Variants in PLA2R1 observed in about 807,000 individuals in gnomAD.
PLA2R1 encodes the protein secretory phospholipase A2 receptor.
A neutral mutation model predicts 195.9 loss-of-function variants in PLA2R1; 158 were observed. That is an observed-to-expected ratio of 0.81 (90% confidence interval 0.71 to 0.92). The LOEUF (loss-of-function observed/expected upper bound fraction) is 0.92. PLA2R1 is among the 40% of genes least tolerant of loss of function. PLA2R1 has a pLI of 0.00. For missense variants in PLA2R1, 1,626 were observed against 1,764.6 expected, an observed-to-expected ratio of 0.92 and a Z score of 1.41; for synonymous variants, 586 against 598.2, an observed-to-expected ratio of 0.98 and a Z score of 0.30.
chr2:160,061,658 C>T (rs1371902116), intron 1 of PLA2R1, among the ~76,000 whole-genome samples: 2 of 152,132 alleles, frequency 1.3e-5, no homozygotes, highest in Non-Finnish European at 2.9e-5. Context: ...ACCTGTGGTC[C>T]CAGCTACTCG....
intron 11 of PLA2R1, among the ~76,000 whole-genome samples, chr2:159,993,036 T>C (rs907731244): frequency 2.0e-5 from 3 of 152,152 alleles, no homozygotes; most frequent in Non-Finnish European, 4.4e-5. Context: ...CTTGGAAAAG[T>C]GTTTTCGAAT....
Position 159,940,972 on chromosome 2 carries a change from T to C in PLA2R1, c.*806A>G, listed in dbSNP as rs957234964. 5.9e-5 allele frequency: 9 copies of C among 152,308 alleles called. No homozygotes were observed. The East Asian group carries it at 1.7e-3, about 29-fold the overall frequency. The allele number at this position is 152,308 out of a possible 1,614,324, so 9.4% of individuals were successfully genotyped here. A position where few individuals can be genotyped will look rare whatever the true frequency, so the allele number is the denominator to read the frequency against. The stretch of plus-strand genomic sequence containing the variant: ...TATATTTAGTTTTTCAGAAAGTCCA[T>C]GAGTTTTAACAGTACAACTGTTAAA... On this transcript the variant is annotated 3_prime_UTR_variant, in exon 30 of 30. Coordinates refer to ENST00000283243, the MANE Select transcript of PLA2R1 (RefSeq NM_007366.5).
In PLA2R1 at chr2:159,980,433, T is replaced by A. The variant is rs558280299; in HGVS notation, c.2184-519A>T. 1.8e-3 allele frequency among the ~76,000 whole-genome samples: 272 copies of A among 152,366 alleles called. 1 individual carries two copies. The highest frequency in any genetic ancestry group is 3.5e-3 in the Non-Finnish European group (240 of 68,030). Reference sequence around the variant, plus strand: ...GTTTGCTACTTCACTATACTATTTATTCTACTTTACTATGCTTTGATTTGT... The same window carrying A: ...GTTTGCTACTTCACTATACTATTTAATCTACTTTACTATGCTTTGATTTGT... On this transcript the variant is annotated intron_variant, in intron 13 of 29. Transcript: ENST00000283243.
intron 2 of PLA2R1, among the ~76,000 whole-genome samples, chr2:160,044,397 G>A (rs562566709): frequency 1.3e-5 from 2 of 152,198 alleles, no homozygotes; most frequent in South Asian, 4.2e-4. Flanking sequence ...TGGCGGCAGG[G>A]GAGGAGAGAT....
At chr2:159,958,216 C>A (rs1363032004) in intron 20 of PLA2R1, among the ~76,000 whole-genome samples, 2 of 151,864 alleles carry the variant, frequency 1.3e-5, no homozygotes, top group Non-Finnish European at 2.9e-5. Flanking sequence ...TCAGTTCATG[C>A]GAGATCTGAT....
At chr2:160,016,738 A>G (rs1319731802) in intron 8 of PLA2R1, 26 bp from the exon 9 acceptor site, 1 of 1,075,276 alleles carries the variant, frequency 9.3e-7, no homozygotes, top group Non-Finnish European at 1.5e-6. Flanking sequence ...TTACAAGAGA[A>G]TGAATACACT....
intron 14 of PLA2R1, among the ~76,000 whole-genome samples, chr2:159,979,298 G>A (rs560147483): frequency 6.6e-5 from 10 of 152,214 alleles, no homozygotes; most frequent in Non-Finnish European, 1.3e-4. Flanking sequence ...CTTCATAGAG[G>A]TTTGCAAGTA....
Position 159,976,681 on chromosome 2 carries a change from TTACCGTACTGG to T in PLA2R1, c.2430_2437+3del. On this transcript the variant is annotated splice_donor_variant and splice_donor_region_variant and coding_sequence_variant and intron_variant, in exon 16 of 30. Coordinates refer to ENST00000283243, the MANE Select transcript of PLA2R1 (RefSeq NM_007366.5). LOFTEE classifies it high-confidence loss of function. ...AATTCAAGAGCTGCCAGAGTCATTC[TTACCGTACTGG>T]TACCAGAACGGAATCTTGGGTTTCA... 6.3e-7 allele frequency: 1 copy of T among 1,589,226 alleles called. No homozygotes were observed. The highest frequency in any genetic ancestry group is 2.2e-5 in the East Asian group (1 of 44,698).
At chr2:159,957,860 C>T (rs945817068) in intron 20 of PLA2R1, among the ~76,000 whole-genome samples, 5 of 152,116 alleles carry the variant, frequency 3.3e-5, no homozygotes, top group African/African-American at 1.2e-4. Flanking sequence ...TCAGGAGAAA[C>T]TTTATGCAAA....
At chr2:159,997,163 G>A (rs1018109669) in intron 11 of PLA2R1, among the ~76,000 whole-genome samples, 5 of 152,124 alleles carry the variant, frequency 3.3e-5, no homozygotes, top group African/African-American at 1.2e-4. Context: ...TGATGGAATG[G>A]TAAGGTGTGA....
At chr2:160,030,175 G>A (rs1458468448) in intron 4 of PLA2R1, among the ~76,000 whole-genome samples, 2 of 152,172 alleles carry the variant, frequency 1.3e-5, no homozygotes, top group African/African-American at 2.4e-5. Context: ...CAATACAATT[G>A]TGAAAAACTC....
At chr2:159,991,439 C>CT (rs34466452) in intron 11 of PLA2R1, among the ~76,000 whole-genome samples, 49,067 of 135,872 alleles carry the variant, frequency 0.36, 10,608 homozygotes, top group Non-Finnish European at 0.51. Context: ...CACTTTCTTT[C>CT]TTTTTTTTTT....
Position 159,984,033 on chromosome 2 carries a change from C to A in PLA2R1, c.2078G>T (p.Arg693Ile), listed in dbSNP as rs1033555911. The change falls in exon 13 of 30, where the codon AGA becomes ATA. Residue 693 changes from arginine (R) to isoleucine (I), a missense_variant. Arg to Ile is a moderately conservative substitution (Grantham distance 97, BLOSUM62 -3). Coordinates refer to ENST00000283243, the MANE Select transcript of PLA2R1 (RefSeq NM_007366.5). The part of the protein sequence containing the change: ...SEKVLMKRTW[R>I]EAEAFCEEFG... ...TTCTTCGCAAAATGCTTCAGCTTCTCTCCATGTTCTTTTCATCAGAACTTT... is the reference window on the plus strand; with the variant it reads ...TTCTTCGCAAAATGCTTCAGCTTCTATCCATGTTCTTTTCATCAGAACTTT... 1.6e-5 allele frequency: 25 copies of A among 1,585,554 alleles called. No homozygotes were observed. The highest frequency in any genetic ancestry group is 2.7e-5 in the African/African-American group (2 of 74,402).
At chr2:159,997,617 A>G (rs1392446512) in intron 11 of PLA2R1, among the ~76,000 whole-genome samples, 1 of 152,084 alleles carries the variant, frequency 6.6e-6, no homozygotes, top group Non-Finnish European at 1.5e-5. Flanking sequence ...TGAGTCCCCT[A>G]CAGTTTTTAA....
At chr2:159,973,923 A>T (rs527991534) in intron 17 of PLA2R1, among the ~76,000 whole-genome samples, 1 of 152,102 alleles carries the variant, frequency 6.6e-6, no homozygotes, top group Non-Finnish European at 1.5e-5. Flanking sequence ...AGATCATGGC[A>T]GTGGCTATGA....
chr2:159,993,275 AG>A (rs1290629921), intron 11 of PLA2R1, among the ~76,000 whole-genome samples: 3 of 152,076 alleles, frequency 2.0e-5, no homozygotes, highest in Admixed American at 6.6e-5. Context: ...TGAAATACCA[AG>A]TGTCAGAGAG....
chr2:159,964,164 C>T (rs891656138), intron 20 of PLA2R1, among the ~76,000 whole-genome samples: 4 of 152,114 alleles, frequency 2.6e-5, no homozygotes, highest in African/African-American at 7.2e-5. Flanking sequence ...TGTATGAGTT[C>T]GCTAATATGA....
chr2:160,059,902 A>AT (rs1445427390), intron 1 of PLA2R1, among the ~76,000 whole-genome samples: 1 of 152,204 alleles, frequency 6.6e-6, no homozygotes, highest in Non-Finnish European at 1.5e-5. Flanking sequence ...CCATAATTCA[A>AT]TTACCTCCCC....
chr2:159,943,033 G>A (rs973069020), intron 28 of PLA2R1, among the ~76,000 whole-genome samples: 1 of 150,256 alleles, frequency 6.7e-6, no homozygotes, highest in African/African-American at 2.5e-5. Flanking sequence ...GTACAATGGC[G>A]TGATCTCGGC....
Sources: gnomAD v4.1 joint callset for allele counts (sites outside exome capture counted in the v4.1 genomes callset) on GRCh38, gnomAD v4.1.1 for gene constraint, MANE v1.5 for transcripts, NCBI Gene and HGNC (gene_info 2026-07-23, HGNC 2026-07-21) for gene names.